The following IQGAP3 variants were observed in gnomAD, a reference collection of about 807,000 sequenced individuals.
IQGAP3 encodes IQ motif containing GTPase activating protein 3.
Under a neutral mutation model 208.2 loss-of-function variants are expected in IQGAP3, and 165 were observed. The ratio of observed to expected loss-of-function variants is 0.79; its 90% CI spans 0.70 to 0.90. The LOEUF (loss-of-function observed/expected upper bound fraction) is 0.90. Ranked by LOEUF, IQGAP3 falls within the 40% of genes least tolerant of loss-of-function variation. IQGAP3 has a pLI of 0.00. For synonymous variants in IQGAP3, 703 were observed against 803.6 expected (o/e 0.87, Z 2.12); for missense variants, 1,811 against 2,043.1 (o/e 0.89, Z 2.19).
intron 37 of IQGAP3, 85 bp downstream of exon 37, chr1:156,527,867 T>C (rs1161397092): frequency 1.1e-6 from 1 of 870,860 alleles, no homozygotes; most frequent in Non-Finnish European, 1.9e-6. Context: ...ATCTGAGGAC[T>C]AGGAAAGTGA....
chr1:156,538,050 C>A (rs1674786757), intron 26 of IQGAP3, among the ~76,000 whole-genome samples: 1 of 152,012 alleles, frequency 6.6e-6, no homozygotes, highest in African/African-American at 2.4e-5. Context: ...CGCCACAACA[C>A]CCGGCGAATT....
At chr1:156,535,029 T>C in intron 28 of IQGAP3, 134 bp downstream of exon 28, 1 of 756,492 alleles carries the variant, frequency 1.3e-6, no homozygotes, top group African/African-American at 1.7e-5. Context: ...GCTCCATTTA[T>C]AGGGGGCAGC....
intron 11 of IQGAP3, among the ~76,000 whole-genome samples, chr1:156,560,595 T>C (rs956233925): frequency 6.6e-6 from 1 of 152,238 alleles, no homozygotes; most frequent in Non-Finnish European, 1.5e-5. Flanking sequence ...TTTTTGCTCA[T>C]ATTCTGGAAA....
chr1:156,550,146 C>A, intron 16 of IQGAP3, 115 bp downstream of exon 16: 1 of 710,754 alleles, frequency 1.4e-6, no homozygotes. Flanking sequence ...CCTGCCTCCC[C>A]ACAGAGGTTG....
rs1416349706 is a variant in IQGAP3, at chr1:156,544,453, C to T, written c.2324G>A (p.Arg775Lys). The T allele has an allele frequency of 1.2e-6, 2 of 1,613,986 alleles. No homozygotes were observed. The highest frequency in any genetic ancestry group is 1.6e-4 in the Middle Eastern group (1 of 6,084). Residue 775 changes from arginine (R) to lysine (K), a missense_variant, in exon 20 of 38, where the codon AGG becomes AAG. Physicochemically the swap from Arg to Lys is conservative, Grantham distance 26. Transcript: ENST00000361170. ...CCACTCCAGGTAAATCTTCCGCTGC[C>T]TATAACCCCGCCAATGAGCCTGCAC... ...IKIQAHWRGYRQRKIYLEWLQ... is the reference protein window; with the variant it reads ...IKIQAHWRGYKQRKIYLEWLQ...
chr1:156,534,388 T>A, intron 29 of IQGAP3, 113 bp downstream of exon 29: 1 of 944,158 alleles, frequency 1.1e-6, no homozygotes. Context: ...CCGCTCATTA[T>A]GCTCATCCCT....
chr1:156,534,749 ACT>A lies in IQGAP3; in HGVS notation c.3508-18_3508-17del. 1 of 1,499,902 alleles carries A rather than the reference ACT, an allele frequency of 6.7e-7. No homozygotes were observed. The highest frequency in any genetic ancestry group is 8.9e-7 in the Non-Finnish European group (1 of 1,123,204). 92.9% of individuals were successfully genotyped at this position (1,499,902 alleles called of 1,614,324 possible). A position where few individuals can be genotyped will look rare whatever the true frequency, so the allele number is the denominator to read the frequency against. ...TCCCGACCACCTGAGGGCAAAGGAGACTCTCCCAGAAGTGTCCAGGGGCCGCC... is the reference window on the plus strand; with the variant it reads ...TCCCGACCACCTGAGGGCAAAGGAGACTCCCAGAAGTGTCCAGGGGCCGCC... On this transcript the variant is annotated splice_polypyrimidine_tract_variant and intron_variant, in intron 28 of 37. Coordinates refer to ENST00000361170, the MANE Select transcript of IQGAP3 (RefSeq NM_178229.5).
At chr1:156,534,191 A>G (rs1674570051) in intron 29 of IQGAP3, 50 bp from the exon 30 acceptor site, 1 of 1,606,660 alleles carries the variant, frequency 6.2e-7, no homozygotes, top group Non-Finnish European at 8.5e-7. Flanking sequence ...AGCACCCCAC[A>G]CATCTTCTGT....
chr1:156,553,463 CAA>C (rs1195176037), intron 13 of IQGAP3, among the ~76,000 whole-genome samples: 2 of 152,004 alleles, frequency 1.3e-5, no homozygotes, highest in Non-Finnish European at 2.9e-5. Flanking sequence ...ACCTCCTCAG[CAA>C]AGAGATCTAC....
At chr1:156,568,974 A>G (rs1571369649) in intron 2 of IQGAP3, among the ~76,000 whole-genome samples, 2 of 152,304 alleles carry the variant, frequency 1.3e-5, no homozygotes, top group East Asian at 3.9e-4. Context: ...TCTGGATTAA[A>G]GAAGACATAC....
intron 4 of IQGAP3, among the ~76,000 whole-genome samples, chr1:156,565,619 G>A (rs1190307976): frequency 1.3e-5 from 2 of 152,192 alleles, no homozygotes; most frequent in South Asian, 2.1e-4. Context: ...ACAAATTGAG[G>A]TTCAAAGAGT....
chr1:156,561,907 T>TCGCA lies in IQGAP3; in HGVS notation c.968_971dup (p.Gly325AlafsTer9), dbSNP rs1288380925. 1 of 1,613,990 alleles carries TCGCA rather than the reference T, an allele frequency of 6.2e-7. No homozygotes were observed. On this transcript the variant is annotated frameshift_variant, in exon 10 of 38. Coordinates refer to ENST00000361170, the MANE Select transcript of IQGAP3 (RefSeq NM_178229.5). LOFTEE classifies it high-confidence loss of function. ...AGTCAGCAAAGTCTCTCCTCACCCC[T>TCGCA]CGCAGGGCCAGGGCAGGGTCTTGAA...
rs191619626 is a variant in IQGAP3 at position 156,561,552 on chromosome 1, A to G, written c.1041+286T>C. On this transcript the variant is annotated intron_variant, in intron 10 of 37. Transcript: ENST00000361170. ...CACGAATGTGTCAGGGGAAAAGTCA[A>G]CTACTTTAAAAACAAGATTGCTAAG... Among the ~76,000 whole-genome samples the G allele has an allele frequency of 2.3e-4, 35 of 152,328 alleles. No homozygotes were observed. In the South Asian group the frequency reaches 3.3e-3, roughly 14 times the overall value.
chr1:156,539,749 A>C, intron 24 of IQGAP3, 89 bp downstream of exon 24: 1 of 1,450,600 alleles, frequency 6.9e-7, no homozygotes, highest in Non-Finnish European at 9.6e-7. Flanking sequence ...GACACCTTGC[A>C]TGGTGCCAAA....
chr1:156,531,793 T>C (rs529239199), intron 32 of IQGAP3, among the ~76,000 whole-genome samples: 117 of 151,678 alleles, frequency 7.7e-4, no homozygotes, highest in South Asian at 2.3e-3. Context: ...TCAGTAGAGA[T>C]GGGGTTTCAC....
intron 22 of IQGAP3, among the ~76,000 whole-genome samples, chr1:156,543,236 G>T (rs1675071348): frequency 6.6e-6 from 1 of 152,182 alleles, no homozygotes; most frequent in Admixed American, 6.5e-5. Context: ...GAAGCAGATG[G>T]CCTGAGTGTG....
intron 4 of IQGAP3, among the ~76,000 whole-genome samples, chr1:156,565,370 C>A (rs370511950): frequency 6.6e-6 from 1 of 152,204 alleles, no homozygotes. Context: ...GACACATGAC[C>A]TCTATTGCTT....
At chr1:156,556,725 G>A (rs746704011) in intron 11 of IQGAP3, 32 bp from the exon 12 acceptor site, 35 of 1,482,722 alleles carry the variant, frequency 2.4e-5, no homozygotes, top group Non-Finnish European at 3.2e-5. Context: ...GGTTGTACTG[G>A]CCGGGCATTC....
chr1:156,566,640 G>T (rs1676412162), intron 2 of IQGAP3, 94 bp from the exon 3 acceptor site: 3 of 1,205,830 alleles, frequency 2.5e-6, no homozygotes, highest in Non-Finnish European at 3.5e-6. Flanking sequence ...CTTTTAAGTG[G>T]CCCCTGACCC....
Sources: gnomAD v4.1 joint callset for allele counts (sites outside exome capture counted in the v4.1 genomes callset) on GRCh38, gnomAD v4.1.1 for gene constraint, MANE v1.5 for transcripts, NCBI Gene and HGNC (gene_info 2026-07-23, HGNC 2026-07-21) for gene names.